Variants in DSCAM observed in about 807,000 individuals in gnomAD.
DSCAM encodes cell adhesion molecule DSCAM.
DSCAM carries 47 observed loss-of-function variants against 217.7 expected under a neutral mutation model. The ratio of observed to expected loss-of-function variants is 0.22; its 90% CI spans 0.17 to 0.28. DSCAM has a LOEUF of 0.28. Ranked by LOEUF, DSCAM falls within the 10% of genes least tolerant of loss-of-function variation. The pLI is 1.00. For missense variants in DSCAM, 2,080 were observed against 2,618.3 expected, an observed-to-expected ratio of 0.79 and a Z score of 4.49; for synonymous variants, 1,056 against 1,015.3, an observed-to-expected ratio of 1.04 and a Z score of -0.76.
At chr21:40,569,702 T>C (rs2076791690) in intron 3 of DSCAM, among the ~76,000 whole-genome samples, 1 of 152,180 alleles carries the variant, frequency 6.6e-6, no homozygotes, top group African/African-American at 2.4e-5. Context: ...CTGACTGACA[T>C]ACCTCCCTTG....
intron 3 of DSCAM, among the ~76,000 whole-genome samples, chr21:40,371,435 AG>A (rs1355515892): frequency 5.1e-5 from 7 of 137,036 alleles, no homozygotes; most frequent in East Asian, 4.1e-4. Context: ...AAAAAAAAAA[AG>A]ATGATGTATG....
intron 1 of DSCAM, among the ~76,000 whole-genome samples, chr21:40,745,213 A>G (rs959443117): frequency 9.9e-5 from 15 of 152,158 alleles, no homozygotes; most frequent in Non-Finnish European, 2.2e-4. Flanking sequence ...AGGAGATAAA[A>G]GAGAAAAAGT....
intron 1 of DSCAM, among the ~76,000 whole-genome samples, chr21:40,751,405 G>A (rs529878895): frequency 3.4e-4 from 52 of 152,286 alleles, no homozygotes; most frequent in Non-Finnish European, 6.2e-4. Context: ...TGTTCACACT[G>A]TATCCCCAGC....
chr21:40,309,484 C>G (rs2074115223), intron 9 of DSCAM, among the ~76,000 whole-genome samples: 2 of 152,114 alleles, frequency 1.3e-5, no homozygotes, highest in South Asian at 4.1e-4. Flanking sequence ...CCCTCTTCGT[C>G]TCTTCTGCTG....
At chr21:40,305,758 G>T (rs1358298230) in intron 9 of DSCAM, among the ~76,000 whole-genome samples, 1 of 152,144 alleles carries the variant, frequency 6.6e-6, no homozygotes, top group Admixed American at 6.5e-5. Flanking sequence ...TTGTAGATAT[G>T]TGGCGTTATT....
At chr21:40,443,687 T>C in intron 3 of DSCAM, among the ~76,000 whole-genome samples, 1 of 152,240 alleles carries the variant, frequency 6.6e-6, no homozygotes, top group Non-Finnish European at 1.5e-5. Context: ...CTGGTGAAAT[T>C]TTTAAAAAAG....
At chr21:40,268,909 A>G (rs912492660) in intron 11 of DSCAM, among the ~76,000 whole-genome samples, 1 of 152,112 alleles carries the variant, frequency 6.6e-6, no homozygotes, top group Non-Finnish European at 1.5e-5. Context: ...AAGCCACCAT[A>G]TGTGCCCAGG....
At chr21:40,366,954 G>A (rs1225194549) in intron 4 of DSCAM, among the ~76,000 whole-genome samples, 2 of 152,098 alleles carry the variant, frequency 1.3e-5, no homozygotes, top group African/African-American at 2.4e-5. Context: ...CCTGGTTCCC[G>A]AGCCTTCTCT....
chr21:40,347,298 C>CAAAAAAAAA (rs796531226), intron 6 of DSCAM, among the ~76,000 whole-genome samples: 7 of 79,422 alleles, frequency 8.8e-5, no homozygotes, highest in African/African-American at 3.1e-4. Flanking sequence ...AACTCCATCT[C>CAAAAAAAAA]AAAAAAAAAA....
intron 1 of DSCAM, among the ~76,000 whole-genome samples, chr21:40,823,203 TTG>T (rs3988411): frequency 0.55 from 79,785 of 144,094 alleles, 21,876 homozygotes; most frequent in East Asian, 0.67. Context: ...CATACATACA[TTG>T]TGTGTGTGTG....
At chr21:40,102,286 A>C (rs1568940979) in intron 20 of DSCAM, among the ~76,000 whole-genome samples, 1 of 152,208 alleles carries the variant, frequency 6.6e-6, no homozygotes, top group Non-Finnish European at 1.5e-5. Context: ...AGGTTTTACA[A>C]GACTTCTGAC....
intron 3 of DSCAM, among the ~76,000 whole-genome samples, chr21:40,592,195 A>C (rs987936519): frequency 2.2e-4 from 34 of 152,166 alleles, no homozygotes; most frequent in African/African-American, 8.2e-4. Flanking sequence ...AAAATGTTAA[A>C]TTTTTCAGGT....
chr21:40,546,915 T>G (rs990265715), intron 3 of DSCAM, among the ~76,000 whole-genome samples: 4 of 151,918 alleles, frequency 2.6e-5, no homozygotes, highest in African/African-American at 9.7e-5. Flanking sequence ...GGGCTGGGGC[T>G]GGGGTGGGAG....
chr21:40,254,862 G>C (rs2073350419), intron 11 of DSCAM, among the ~76,000 whole-genome samples: 1 of 151,996 alleles, frequency 6.6e-6, no homozygotes, highest in South Asian at 2.1e-4. Context: ...AGCGTCCTCA[G>C]AGTGGCTTTC....
chr21:40,196,744 A>G (rs940054655), intron 11 of DSCAM, among the ~76,000 whole-genome samples: 1 of 151,880 alleles, frequency 6.6e-6, no homozygotes, highest in African/African-American at 2.4e-5. Flanking sequence ...CAGTGCCATA[A>G]TAACAACAAT....
intron 3 of DSCAM, among the ~76,000 whole-genome samples, chr21:40,433,900 T>G (rs1338043516): frequency 6.6e-6 from 1 of 152,120 alleles, no homozygotes; most frequent in Non-Finnish European, 1.5e-5. Flanking sequence ...GGTAGGTGAT[T>G]TCACCTGAAG....
intron 11 of DSCAM, among the ~76,000 whole-genome samples, chr21:40,248,449 A>T (rs1002509841): frequency 2.0e-5 from 3 of 152,198 alleles, no homozygotes; most frequent in African/African-American, 7.2e-5. Context: ...TCTCAAGTTC[A>T]AAGTTCCACA....
intron 32 of DSCAM, among the ~76,000 whole-genome samples, chr21:40,035,426 A>C (rs2088600423): frequency 8.2e-6 from 1 of 121,816 alleles, no homozygotes; most frequent in Non-Finnish European, 1.7e-5. Flanking sequence ...GAAGGCCATT[A>C]CATAATGGTA....
At chr21:40,818,175 G>T (rs974477080) in intron 1 of DSCAM, among the ~76,000 whole-genome samples, 33 of 149,826 alleles carry the variant, frequency 2.2e-4, no homozygotes, top group Admixed American at 4.0e-4. Flanking sequence ...GTGGTAAAGG[G>T]ACATCCGCCT....
Sources: gnomAD v4.1 joint callset for allele counts (sites outside exome capture counted in the v4.1 genomes callset) on GRCh38, gnomAD v4.1.1 for gene constraint, MANE v1.5 for transcripts, NCBI Gene and HGNC (gene_info 2026-07-23, HGNC 2026-07-21) for gene names.